The following ZDHHC14 variants were observed in gnomAD, a reference collection of about 807,000 sequenced individuals.
ZDHHC14 encodes zDHHC palmitoyltransferase 14, also known as palmitoyltransferase ZDHHC14.
Under a neutral mutation model 47.7 loss-of-function variants are expected in ZDHHC14, and 16 were observed. That is an observed-to-expected ratio of 0.34 (90% CI 0.23 to 0.51). ZDHHC14 has a LOEUF of 0.51. ZDHHC14 is among the 20% of genes least tolerant of loss of function. ZDHHC14 has a pLI of 0.97. For missense variants in ZDHHC14, 515 were observed against 662.5 expected (o/e 0.78, Z 2.44); for synonymous variants, 293 against 278.9 (o/e 1.05, Z -0.50).
intron 3 of ZDHHC14, among the ~76,000 whole-genome samples, chr6:157,595,169 G>T (rs1784071160): frequency 7.7e-6 from 1 of 129,388 alleles, no homozygotes; most frequent in African/African-American, 3.1e-5. Context: ...TTGTCTCTAG[G>T]CTAGATTTTT....
chr6:157,651,121 C>G (rs1490060472), intron 7 of ZDHHC14, among the ~76,000 whole-genome samples: 1 of 152,254 alleles, frequency 6.6e-6, no homozygotes, highest in African/African-American at 2.4e-5. Flanking sequence ...TGCAGTCCAA[C>G]AAGTGCCATG....
At chr6:157,624,341 T>G (rs1785318608) in intron 3 of ZDHHC14, among the ~76,000 whole-genome samples, 1 of 152,210 alleles carries the variant, frequency 6.6e-6, no homozygotes, top group African/African-American at 2.4e-5. Flanking sequence ...CTCCCTGCTT[T>G]TCCATGGCCT....
At chr6:157,609,879 C>T (rs1784684619) in intron 3 of ZDHHC14, among the ~76,000 whole-genome samples, 1 of 152,086 alleles carries the variant, frequency 6.6e-6, no homozygotes, top group South Asian at 2.1e-4. Context: ...GCAGATCCAG[C>T]CTGGATCAGG....
chr6:157,437,227 A>C (rs1420369404), intron 1 of ZDHHC14, among the ~76,000 whole-genome samples: 1 of 152,170 alleles, frequency 6.6e-6, no homozygotes, highest in African/African-American at 2.4e-5. Flanking sequence ...GGTCCCATGA[A>C]GCTTTGTGCT....
chr6:157,412,356 G>A (rs1213126636), intron 1 of ZDHHC14, among the ~76,000 whole-genome samples: 6 of 151,712 alleles, frequency 4.0e-5, no homozygotes, highest in Non-Finnish European at 8.8e-5. Context: ...GCAGTGGTGC[G>A]ATCTTGGCTC....
intron 1 of ZDHHC14, among the ~76,000 whole-genome samples, chr6:157,485,695 T>G (rs1583695538): frequency 2.0e-5 from 3 of 151,176 alleles, no homozygotes; most frequent in Admixed American, 6.6e-5. Flanking sequence ...TTTTTTTTTT[T>G]GAAGGGAAAA....
intron 1 of ZDHHC14, among the ~76,000 whole-genome samples, chr6:157,472,189 G>A (rs1779370983): frequency 6.6e-6 from 1 of 152,138 alleles, no homozygotes; most frequent in South Asian, 2.1e-4. Flanking sequence ...AGTCGTGGTG[G>A]CTATTAGGGG....
chr6:157,673,218 G>T lies in ZDHHC14; in HGVS notation c.*96G>T, dbSNP rs937484087. On this transcript the variant is annotated 3_prime_UTR_variant, in exon 9 of 9. Coordinates refer to ENST00000359775, the MANE Select transcript of ZDHHC14 (RefSeq NM_024630.3). The surrounding 1 kb of genome is among the most constrained non-coding windows in gnomAD (Gnocchi z 5.4). The stretch of plus-strand genomic sequence containing the variant: ...TCCCACAGCGACTTTCCCAGCCAAT[G>T]CCACGGTGGAGATGACAGCCCCAGG... The T allele has an allele frequency of 2.0e-5, 28 of 1,434,300 alleles. No individual in the cohort carries two copies. Among genetic ancestry groups the T allele is most frequent in the Admixed American group, 2.9e-5 (1 of 33,922 alleles). The allele number at this position is 1,434,300 out of a possible 1,614,324, so 88.8% of individuals were successfully genotyped here.
chr6:157,519,200 C>T (rs1219972643), intron 1 of ZDHHC14, among the ~76,000 whole-genome samples: 4 of 152,158 alleles, frequency 2.6e-5, no homozygotes, highest in South Asian at 2.1e-4. Flanking sequence ...TTGTTTTTTA[C>T]GTATTTTCCA....
At chr6:157,644,494 T>C (rs1396057854) in intron 5 of ZDHHC14, among the ~76,000 whole-genome samples, 1 of 152,218 alleles carries the variant, frequency 6.6e-6, no homozygotes, top group Non-Finnish European at 1.5e-5. Context: ...CCCAGTGGTT[T>C]AGTGCGATGT....
At chr6:157,654,751 T>C (rs901718905) in intron 8 of ZDHHC14, among the ~76,000 whole-genome samples, 2 of 151,832 alleles carry the variant, frequency 1.3e-5, no homozygotes, top group African/African-American at 4.8e-5. Flanking sequence ...TTTTTTTTTT[T>C]TGGAGACAGA....
chr6:157,538,996 G>A (rs1781647233), intron 1 of ZDHHC14, among the ~76,000 whole-genome samples: 2 of 152,124 alleles, frequency 1.3e-5, no homozygotes, highest in Non-Finnish European at 2.9e-5. Flanking sequence ...AGGAGCTCGA[G>A]CTTCATTTGG....
chr6:157,557,183 GC>G (rs751750549), intron 2 of ZDHHC14, among the ~76,000 whole-genome samples: 21 of 152,318 alleles, frequency 1.4e-4, no homozygotes, highest in Non-Finnish European at 2.6e-4. Flanking sequence ...TATTGCACCT[GC>G]GGGCCTAGCA....
intron 1 of ZDHHC14, among the ~76,000 whole-genome samples, chr6:157,536,177 T>A (rs1417529313): frequency 1.3e-5 from 2 of 152,232 alleles, no homozygotes; most frequent in Non-Finnish European, 2.9e-5. Flanking sequence ...AAGTAGCAAC[T>A]CCCTGGATTG....
intron 8 of ZDHHC14, among the ~76,000 whole-genome samples, chr6:157,672,359 A>T (rs1321869364): frequency 3.3e-5 from 5 of 152,220 alleles, no homozygotes; most frequent in African/African-American, 1.2e-4. Context: ...GGTTTTCAGC[A>T]TACAAGAAAC....
chr6:157,450,299 T>A (rs1778773247), intron 1 of ZDHHC14, among the ~76,000 whole-genome samples: 1 of 151,968 alleles, frequency 6.6e-6, no homozygotes, highest in Non-Finnish European at 1.5e-5. Context: ...AACAAACAAA[T>A]GTGTTTAAAG....
chr6:157,653,625 A>G lies in ZDHHC14; in HGVS notation c.1066A>G (p.Met356Val). The change falls in exon 8 of 9, where the codon ATG (methionine) becomes GTG (valine). Residue 356 changes from methionine (M) to valine (V), a missense_variant and splice_region_variant. Physicochemically the swap from Met to Val is conservative, Grantham distance 21. This residue lies in a region of ZDHHC14 where 221 missense variants were observed against 233.6 expected (regional missense o/e 0.95). Transcript: ENST00000359775. ...CGGGGCCACGCAGTCACAGAGTGAC[A>G]TGGTAGGAGTGGGGGCCACTGCTCC... ...MYGATQSQSD[M>V]CDQDQCIQST... 2.5e-6 allele frequency: 4 copies of G among 1,613,170 alleles called. No individual in the cohort carries two copies. Among genetic ancestry groups the G allele is most frequent in the Non-Finnish European group, 3.4e-6 (4 of 1,179,838 alleles).
chr6:157,594,340 T>C (rs1784033480), intron 3 of ZDHHC14, among the ~76,000 whole-genome samples: 1 of 152,142 alleles, frequency 6.6e-6, no homozygotes, highest in Non-Finnish European at 1.5e-5. Context: ...AACAGAACAG[T>C]ATGGAATGGG....
intron 1 of ZDHHC14, among the ~76,000 whole-genome samples, chr6:157,401,084 A>G (rs1285478976): frequency 6.6e-6 from 1 of 152,176 alleles, no homozygotes; most frequent in Admixed American, 6.5e-5. Flanking sequence ...CAGGGTTTCC[A>G]TGTGTGGAGT....
Sources: allele counts gnomAD v4.1 joint callset (sites outside exome capture counted in the v4.1 genomes callset), GRCh38; gene constraint gnomAD v4.1.1; regional missense constraint gnomAD v4.1.1; non-coding constraint Gnocchi (gnomAD v3.1); transcripts MANE v1.5; gene names NCBI Gene and HGNC (gene_info 2026-07-23, HGNC 2026-07-21).